The following TMEFF2 variants were observed in gnomAD, a reference collection of about 807,000 sequenced individuals.
The protein encoded by TMEFF2 is tomoregulin-2.
In TMEFF2, 28 loss-of-function variants were observed where a neutral mutation model predicts 53.8. That is an observed-to-expected ratio of 0.52 (90% CI 0.39 to 0.71). TMEFF2 has a LOEUF of 0.71. Among genes scored for constraint, TMEFF2 ranks in the 30% least tolerant of loss-of-function variants. TMEFF2 has a pLI of 0.00. For missense variants in TMEFF2, 353 were observed against 455.2 expected, an observed-to-expected ratio of 0.78 and a Z score of 2.04; for synonymous variants, 162 against 166.3, an observed-to-expected ratio of 0.97 and a Z score of 0.20.
chr2:192,054,003 A>T (rs1687837932), intron 5 of TMEFF2, among the ~76,000 whole-genome samples: 1 of 152,092 alleles, frequency 6.6e-6, no homozygotes, highest in South Asian at 2.1e-4. Flanking sequence ...AACATTTTAA[A>T]TACATTTTAT....
chr2:192,187,949 T>C (rs1238883495), intron 2 of TMEFF2, among the ~76,000 whole-genome samples: 1 of 152,212 alleles, frequency 6.6e-6, no homozygotes, highest in South Asian at 2.1e-4. Flanking sequence ...TATGTATGAC[T>C]TATGTTTTAT....
chr2:191,954,873 A>G (rs1692016090), intron 8 of TMEFF2, among the ~76,000 whole-genome samples: 4 of 152,316 alleles, frequency 2.6e-5, no homozygotes, highest in African/African-American at 7.2e-5. Context: ...ATAGCTCATA[A>G]GAAAACAATA....
intron 7 of TMEFF2, among the ~76,000 whole-genome samples, chr2:191,969,096 T>G (rs1692549866): frequency 6.6e-6 from 1 of 150,614 alleles, no homozygotes; most frequent in Admixed American, 6.7e-5. Context: ...TATATATATG[T>G]TTGTGTATAT....
At chr2:192,188,380 G>A (rs1691368566) in intron 2 of TMEFF2, among the ~76,000 whole-genome samples, 1 of 152,104 alleles carries the variant, frequency 6.6e-6, no homozygotes, top group South Asian at 2.1e-4. Context: ...AGATCAACAT[G>A]GAGAAGAACC....
At chr2:192,142,020 TAA>T (rs1202377418) in intron 4 of TMEFF2, among the ~76,000 whole-genome samples, 1 of 152,066 alleles carries the variant, frequency 6.6e-6, no homozygotes, top group Non-Finnish European at 1.5e-5. Context: ...TTCAGTGTGA[TAA>T]AGACTTTACA....
chr2:191,990,784 G>GTGTA (rs997514200), intron 7 of TMEFF2, among the ~76,000 whole-genome samples: 1 of 151,914 alleles, frequency 6.6e-6, no homozygotes, highest in African/African-American at 2.4e-5. Context: ...GTGTGTGTGT[G>GTGTA]TGTGTGAATT....
intron 4 of TMEFF2, among the ~76,000 whole-genome samples, chr2:192,142,215 C>T (rs1180026597): frequency 3.9e-5 from 6 of 151,928 alleles, no homozygotes; most frequent in Admixed American, 3.9e-4. Flanking sequence ...ATGTTTGTTA[C>T]ATGTAGATTT....
chr2:192,075,332 T>TACAC (rs1553518845), intron 4 of TMEFF2, among the ~76,000 whole-genome samples: 2 of 88,148 alleles, frequency 2.3e-5, no homozygotes, highest in African/African-American at 8.2e-5. Flanking sequence ...TATATATATA[T>TACAC]ACATACATAC....
At chr2:192,071,178 A>G (rs1162044259) in intron 4 of TMEFF2, among the ~76,000 whole-genome samples, 1 of 151,910 alleles carries the variant, frequency 6.6e-6, no homozygotes, top group Non-Finnish European at 1.5e-5. Flanking sequence ...GGACAGGTGT[A>G]ATGTCAATGT....
chr2:192,063,571 T>C lies in TMEFF2; in HGVS notation c.440-5796A>G, dbSNP rs373180604. Among the ~76,000 whole-genome samples, 27 of 151,970 alleles carry C rather than the reference T, an allele frequency of 1.8e-4. No homozygotes were observed. The East Asian group carries it at 5.0e-3, about 28-fold the overall frequency. On this transcript the variant is annotated intron_variant, in intron 4 of 9. Coordinates refer to ENST00000272771, the MANE Select transcript of TMEFF2 (RefSeq NM_016192.4). ...TTCTATTAATGTCAATTAGCTTACA[T>C]TGATGGTTAGTGTTGTTCAAATCAT... is the stretch of plus-strand genomic sequence containing the variant.
chr2:192,023,639 C>G (rs1686906926), intron 5 of TMEFF2, among the ~76,000 whole-genome samples: 1 of 152,046 alleles, frequency 6.6e-6, no homozygotes, highest in South Asian at 2.1e-4. Context: ...GTTTTATTGG[C>G]TTTGCACTTA....
chr2:192,096,670 C>CTCTTTTTTTTT (rs61068218), intron 4 of TMEFF2, among the ~76,000 whole-genome samples: 1 of 53,686 alleles, frequency 1.9e-5, no homozygotes, highest in African/African-American at 1.3e-4. Context: ...CTCTCTCTCT[C>CTCTTTTTTTTT]TTTTTTTTTT....
intron 8 of TMEFF2, among the ~76,000 whole-genome samples, chr2:191,955,459 C>G (rs771769263): frequency 1.3e-5 from 2 of 149,240 alleles, no homozygotes; most frequent in Non-Finnish European, 3.0e-5. Context: ...AGGGATCATC[C>G]CATCTCAGCT....
At chr2:192,166,051 A>G (rs563150205) in intron 4 of TMEFF2, among the ~76,000 whole-genome samples, 1 of 152,242 alleles carries the variant, frequency 6.6e-6, no homozygotes, top group South Asian at 2.1e-4. Context: ...GTGAAGGAAA[A>G]GGCACCTGTT....
intron 7 of TMEFF2, among the ~76,000 whole-genome samples, chr2:191,961,760 A>G (rs1692280490): frequency 1.3e-5 from 2 of 152,178 alleles, no homozygotes; most frequent in African/African-American, 4.8e-5. Flanking sequence ...AAAACCTCAT[A>G]TCTAGCTTGA....
intron 4 of TMEFF2, among the ~76,000 whole-genome samples, chr2:192,135,155 C>T (rs926939951): frequency 2.6e-5 from 4 of 152,186 alleles, no homozygotes; most frequent in Non-Finnish European, 2.9e-5. Flanking sequence ...TCCTATTCTC[C>T]GTTCTCAACT....
chr2:192,173,907 T>C (rs1387269113), intron 4 of TMEFF2, among the ~76,000 whole-genome samples: 2 of 151,824 alleles, frequency 1.3e-5, no homozygotes, highest in Admixed American at 1.3e-4. Flanking sequence ...TTATAGTATA[T>C]GGGAATAAAG....
At chr2:192,130,880 G>A (rs981959099) in intron 4 of TMEFF2, among the ~76,000 whole-genome samples, 1 of 151,700 alleles carries the variant, frequency 6.6e-6, no homozygotes, top group Non-Finnish European at 1.5e-5. Context: ...AGGGGTTGGG[G>A]TACTTGCCCC....
intron 7 of TMEFF2, among the ~76,000 whole-genome samples, chr2:191,977,702 A>T (rs1685765417): frequency 6.6e-6 from 1 of 152,192 alleles, no homozygotes; most frequent in African/African-American, 2.4e-5. Context: ...TTGTAATTTG[A>T]ATTACTTATT....
Sources: gnomAD v4.1 joint callset for allele counts (sites outside exome capture counted in the v4.1 genomes callset) on GRCh38, gnomAD v4.1.1 for gene constraint, MANE v1.5 for transcripts, NCBI Gene and HGNC (gene_info 2026-07-23, HGNC 2026-07-21) for gene names.